FAM53B: variants seen among roughly 807,000 people sequenced by gnomAD.
The protein encoded by FAM53B is protein FAM53B.
A neutral mutation model predicts 32.7 loss-of-function variants in FAM53B; 12 were observed. The observed-to-expected ratio is 0.37, with a 90% CI of 0.24 to 0.59. The LOEUF (loss-of-function observed/expected upper bound fraction) is 0.59. FAM53B is among the 20% of genes least tolerant of loss of function. The pLI is 0.72. For missense variants in FAM53B, 477 were observed against 577.7 expected, an observed-to-expected ratio of 0.83 and a Z score of 1.79; for synonymous variants, 234 against 228.7, an observed-to-expected ratio of 1.02 and a Z score of -0.21.
Position 124,623,339 on chromosome 10 carries a change from G to T in FAM53B, c.1172C>A (p.Ala391Glu), listed in dbSNP as rs147886380. Residue 391 changes from alanine to glutamate, a missense_variant, in exon 5 of 5, where the codon GCG becomes GAG. This residue lies in a region of FAM53B where 165 missense variants were observed against 157.5 expected (regional missense o/e 1.05). Coordinates refer to ENST00000337318, the MANE Select transcript of FAM53B (RefSeq NM_014661.4). ...CALDEDCGRRAEPAAAWRDRG... is the reference protein window; with the variant it reads ...CALDEDCGRREEPAAAWRDRG... ...GTCCCGCCAGGCTGCAGCCGGCTCC[G>T]CTCTCCTGCCACAATCCTCGTCCAG... The T allele has an allele frequency of 1.1e-5, 18 of 1,611,904 alleles. No homozygotes were observed. Among genetic ancestry groups the T allele is most frequent in the Non-Finnish European group, 1.3e-5 (15 of 1,179,714 alleles).
At position 124,674,936 on chromosome 10, in the gene FAM53B, C is replaced by A. The variant is rs564149602; in HGVS notation, c.906+6671G>T. 2.0e-5 allele frequency among the ~76,000 whole-genome samples: 3 copies of A among 152,362 alleles called. No individual in the cohort carries two copies. The South Asian group carries it at 6.2e-4, about 32-fold the overall frequency. On this transcript the variant is annotated intron_variant, in intron 4 of 4. Transcript: ENST00000337318. Reference sequence around the variant, plus strand: ...CGGCTGGCTTAGGAAAGGGCCCCTACTTCAGAGAGCCGGGGCCTCCCAGAG... The same window carrying A: ...CGGCTGGCTTAGGAAAGGGCCCCTAATTCAGAGAGCCGGGGCCTCCCAGAG...
intron 2 of FAM53B, among the ~76,000 whole-genome samples, chr10:124,706,190 TCAC>T (rs1949956532): frequency 6.6e-6 from 1 of 152,138 alleles, no homozygotes; most frequent in African/African-American, 2.4e-5. Context: ...TTGCCATAGC[TCAC>T]CACACCTTCT....
chr10:124,647,345 G>A (rs778493544), intron 4 of FAM53B, among the ~76,000 whole-genome samples: 2 of 152,038 alleles, frequency 1.3e-5, no homozygotes, highest in East Asian at 1.9e-4. Context: ...TCCAGGCCTC[G>A]GGTGTTTCTC....
At chr10:124,676,207 A>G (rs1278912084) in intron 4 of FAM53B, among the ~76,000 whole-genome samples, 2 of 152,108 alleles carry the variant, frequency 1.3e-5, no homozygotes, top group African/African-American at 4.8e-5. Flanking sequence ...TGTATTTAGC[A>G]TTTCTTTCAT....
intron 1 of FAM53B, among the ~76,000 whole-genome samples, chr10:124,719,822 C>T (rs1175560188): frequency 2.4e-4 from 37 of 152,200 alleles, no homozygotes; most frequent in Non-Finnish European, 1.9e-4. Context: ...CCAGTGTCAT[C>T]TGGATGGAGT....
intron 1 of FAM53B, among the ~76,000 whole-genome samples, chr10:124,707,422 A>T (rs1363230585): frequency 6.6e-6 from 1 of 152,192 alleles, no homozygotes; most frequent in African/African-American, 2.4e-5. Context: ...CTAATGGAAC[A>T]ATCAGTAGGG....
chr10:124,721,841 T>C (rs1224379466), intron 1 of FAM53B, among the ~76,000 whole-genome samples: 2 of 152,106 alleles, frequency 1.3e-5, no homozygotes, highest in African/African-American at 2.4e-5. Flanking sequence ...ATAGTACATA[T>C]CGTATCGTTA....
chr10:124,623,532 C>A lies in FAM53B; in HGVS notation c.979G>T (p.Ala327Ser). The A allele has an allele frequency of 1.3e-6, 2 of 1,548,994 alleles. No individual in the cohort carries two copies. The highest frequency in any genetic ancestry group is 2.0e-5 in the Admixed American group (1 of 51,120). ...GCCCTGGTGTTGCTGACGTGGCGGG[C>A]GAAGGGGCTCTGGGGACCGCAGTCC... ...TEDCGPQSPFARHVSNTRAWT... is the reference protein window; with the variant it reads ...TEDCGPQSPFSRHVSNTRAWT... The change falls in exon 5 of 5, where the codon GCC (alanine) becomes TCC (serine). Residue 327 changes from alanine (A) to serine (S), a missense_variant. Physicochemically the swap from Ala to Ser is moderately conservative, Grantham distance 99. Coordinates refer to ENST00000337318, the MANE Select transcript of FAM53B (RefSeq NM_014661.4).
At chr10:124,677,190 C>T (rs376853219) in intron 4 of FAM53B, among the ~76,000 whole-genome samples, 5 of 152,320 alleles carry the variant, frequency 3.3e-5, no homozygotes, top group Middle Eastern at 3.4e-3. Flanking sequence ...TAAATGGCCG[C>T]GTATGGCTCA....
At chr10:124,687,802 T>C (rs556756622) in intron 3 of FAM53B, among the ~76,000 whole-genome samples, 1 of 152,272 alleles carries the variant, frequency 6.6e-6, no homozygotes, top group South Asian at 2.1e-4. Context: ...AATGCAAAAA[T>C]GTTGAGAAAT....
intron 1 of FAM53B, among the ~76,000 whole-genome samples, 182 bp downstream of exon 1, chr10:124,743,831 G>A (rs1950215150): frequency 6.6e-6 from 1 of 151,706 alleles, no homozygotes; most frequent in Non-Finnish European, 1.5e-5. Context: ...CAACCCAAAG[G>A]CGAAACAAGG....
intron 4 of FAM53B, among the ~76,000 whole-genome samples, chr10:124,657,113 TGTGTGTATATATATGTGTGTATATAC>T (rs1478802348): frequency 1.6e-5 from 2 of 128,914 alleles, no homozygotes; most frequent in Admixed American, 7.7e-5. Context: ...TATATATGTG[TGTGTGTATATATATGTGTGTATATAC>T]ATATATATGT....
At position 124,733,425 on chromosome 10, in the gene FAM53B, G is replaced by A. The variant is rs1248957289; in HGVS notation, c.-175+10588C>T. On this transcript the variant is annotated intron_variant, in intron 1 of 4. Transcript: ENST00000337318. The surrounding 1 kb of genome is among the most constrained non-coding windows in gnomAD (Gnocchi z 4.3). ...GTGTCAGCAGCTTCCCCCTGCCTTTGAGAACACTAGTGAGAACAGGCTATG... is the reference window on the plus strand; with the variant it reads ...GTGTCAGCAGCTTCCCCCTGCCTTTAAGAACACTAGTGAGAACAGGCTATG... Among the ~76,000 whole-genome samples, 3 of 152,130 alleles carry A rather than the reference G, an allele frequency of 2.0e-5. No individual in the cohort carries two copies. Among genetic ancestry groups the A allele is most frequent in the African/African-American group, 7.2e-5 (3 of 41,414 alleles).
At position 124,624,685 on chromosome 10, in the gene FAM53B, G is replaced by A. The variant is rs149627182; in HGVS notation, c.907-1081C>T. Among the ~76,000 whole-genome samples, 488 of 151,294 alleles carry A rather than the reference G, an allele frequency of 3.2e-3. 2 individuals carry two copies. The highest frequency in any genetic ancestry group is 0.011 in the African/African-American group (473 of 41,484). On this transcript the variant is annotated intron_variant, in intron 4 of 4. Transcript: ENST00000337318. ...AGCTTGAACAGGATTTCAAGGGTAC[G>A]CAGGCCAGTTCTGCTTGGCGTCAGC...
intron 1 of FAM53B, among the ~76,000 whole-genome samples, chr10:124,719,098 GA>G (rs1950053331): frequency 6.6e-6 from 1 of 152,144 alleles, no homozygotes; most frequent in Non-Finnish European, 1.5e-5. Flanking sequence ...AAGGCTTCAT[GA>G]AGTCCTAATT....
At chr10:124,698,096 G>A (rs1949886851) in intron 2 of FAM53B, among the ~76,000 whole-genome samples, 1 of 152,204 alleles carries the variant, frequency 6.6e-6, no homozygotes, top group African/African-American at 2.4e-5. Flanking sequence ...GCTCAGAGAG[G>A]GAAGTCAGGC....
At chr10:124,716,269 C>T (rs552872121) in intron 1 of FAM53B, among the ~76,000 whole-genome samples, 3 of 152,324 alleles carry the variant, frequency 2.0e-5, no homozygotes, top group Admixed American at 6.5e-5. Flanking sequence ...CTGGGAGTCA[C>T]ACTACACAGC....
chr10:124,628,618 C>T (rs1208120975), intron 4 of FAM53B, among the ~76,000 whole-genome samples: 2 of 152,182 alleles, frequency 1.3e-5, no homozygotes, highest in African/African-American at 4.8e-5. Context: ...GCTGGTGTCC[C>T]ACCTGGAGTC....
chr10:124,710,657 G>A (rs986226417), intron 1 of FAM53B, among the ~76,000 whole-genome samples: 2 of 152,208 alleles, frequency 1.3e-5, no homozygotes, highest in African/African-American at 4.8e-5. Flanking sequence ...CCCTCCCACA[G>A]GCCACCTCTG....
Sources: gnomAD v4.1 joint callset for allele counts (sites outside exome capture counted in the v4.1 genomes callset) on GRCh38, gnomAD v4.1.1 for gene constraint, gnomAD v4.1.1 regional missense constraint, Gnocchi (gnomAD v3.1) non-coding constraint, MANE v1.5 for transcripts, NCBI Gene and HGNC (gene_info 2026-07-23, HGNC 2026-07-21) for gene names.